Variants in PLAG1 observed in about 807,000 individuals in gnomAD.
PLAG1 encodes the protein zinc finger protein PLAG1.
In PLAG1, 7 loss-of-function variants were observed where a neutral mutation model predicts 35.5. The ratio of observed to expected loss-of-function variants is 0.20; its 90% CI spans 0.11 to 0.37. The LOEUF (loss-of-function observed/expected upper bound fraction) is 0.37, where lower values mean the gene tolerates loss of function less well. PLAG1 is among the 10% of genes least tolerant of loss of function. The pLI, the probability that PLAG1 is intolerant of heterozygous loss-of-function variation, is 1.00. For synonymous variants in PLAG1, 229 were observed against 225.4 expected, an observed-to-expected ratio of 1.02 and a Z score of -0.14; for missense variants, 454 against 602.8, an observed-to-expected ratio of 0.75 and a Z score of 2.58.
chr8:56,176,234 TAG>T (rs909617842), intron 2 of PLAG1, among the ~76,000 whole-genome samples: 112 of 152,072 alleles, frequency 7.4e-4, no homozygotes, highest in African/African-American at 2.6e-3. Context: ...TTATCTTTAG[TAG>T]AGATGGGGGT....
intron 1 of PLAG1, among the ~76,000 whole-genome samples, chr8:56,182,039 G>T (rs2129228546): frequency 6.6e-6 from 1 of 152,324 alleles, no homozygotes; most frequent in African/African-American, 2.4e-5. Context: ...CTACCGTGAA[G>T]TGTAATTTAT....
chr8:56,203,051 C>T (rs906640700), intron 1 of PLAG1, among the ~76,000 whole-genome samples: 2 of 152,048 alleles, frequency 1.3e-5, no homozygotes, highest in Non-Finnish European at 2.9e-5. Context: ...TTTGTCACTA[C>T]TTTTCTTTGA....
At chr8:56,196,022 T>C (rs1812353295) in intron 1 of PLAG1, among the ~76,000 whole-genome samples, 1 of 152,100 alleles carries the variant, frequency 6.6e-6, no homozygotes, top group Non-Finnish European at 1.5e-5. Flanking sequence ...TGCTATAACA[T>C]GGGCACCACA....
intron 1 of PLAG1, among the ~76,000 whole-genome samples, chr8:56,200,233 A>G (rs74372807): frequency 1.4e-3 from 217 of 152,278 alleles, no homozygotes; most frequent in South Asian, 7.0e-3. Flanking sequence ...AACTTCTTCT[A>G]TGTGTCCATT....
In PLAG1 at chr8:56,162,987, T is replaced by TG. The variant is rs1811250314; in HGVS notation, c.*3255dup. On this transcript the variant is annotated 3_prime_UTR_variant, in exon 5 of 5. Coordinates refer to ENST00000316981, the MANE Select transcript of PLAG1 (RefSeq NM_002655.3). ...AATTGAAGTTTTAAAAAACTGAACT[T>TG]GGTAATAGGATTTTAAAATGAAAGT... is the stretch of plus-strand genomic sequence containing the variant. 1 of 210,438 alleles carries TG rather than the reference T, an allele frequency of 4.8e-6. No homozygotes were observed. Among genetic ancestry groups the TG allele is most frequent in the East Asian group, 7.1e-5 (1 of 14,024 alleles). The allele number at this position is 210,438 out of a possible 1,614,324, so 13.0% of individuals were successfully genotyped here. A position where few individuals can be genotyped will look rare whatever the true frequency, so the allele number is the denominator to read the frequency against.
rs1288063801 is a variant in PLAG1 at position 56,167,180 on chromosome 8, T to C, written c.566A>G (p.His189Arg). Residue 189 changes from histidine to arginine, a missense_variant, in exon 5 of 5, where the codon CAT becomes CGT. Transcript: ENST00000316981. The surrounding 1 kb of genome is among the most constrained non-coding windows in gnomAD (Gnocchi z 5.9). ...TCGGGTGTAGAACCGGCGATCACAA[T>C]GTTCGCACTGGTGCTTTTTTTCTTT... is the stretch of plus-strand genomic sequence containing the variant. ...GVKEKKHQCE[H>R]CDRRFYTRKD... is the part of the protein sequence containing the mutation. 1.2e-6 allele frequency: 2 copies of C among 1,613,746 alleles called. No individual in the cohort carries two copies. The highest frequency in any genetic ancestry group is 2.2e-5 in the East Asian group (1 of 44,884).
chr8:56,200,234 T>C (rs558636647), intron 1 of PLAG1, among the ~76,000 whole-genome samples: 1 of 152,226 alleles, frequency 6.6e-6, no homozygotes, highest in Non-Finnish European at 1.5e-5. Context: ...ACTTCTTCTA[T>C]GTGTCCATTT....
At chr8:56,173,642 T>G (rs993568699) in intron 2 of PLAG1, among the ~76,000 whole-genome samples, 2 of 150,882 alleles carry the variant, frequency 1.3e-5, no homozygotes, top group African/African-American at 4.9e-5. Flanking sequence ...GTGACGAAAA[T>G]TCTCCTTTGC....
intron 1 of PLAG1, among the ~76,000 whole-genome samples, chr8:56,207,399 C>T (rs1445153892): frequency 1.3e-5 from 2 of 151,752 alleles, no homozygotes; most frequent in African/African-American, 4.8e-5. Flanking sequence ...AAGGAATAAC[C>T]CCCACCTGTG....
Position 56,161,256 on chromosome 8 carries a change from C to A in PLAG1, c.*4987G>T, listed in dbSNP as rs367921968. On this transcript the variant is annotated 3_prime_UTR_variant, in exon 5 of 5. Transcript: ENST00000316981. ...TAAGCCACTTGATTTCCCAATATTA[C>A]AGAATAGCAATTTTAAATGCAATAA... 2 of 203,268 alleles carry A rather than the reference C, an allele frequency of 9.8e-6. No homozygotes were observed. Among genetic ancestry groups the A allele is most frequent in the Non-Finnish European group, 2.0e-5 (2 of 98,844 alleles). 12.6% of individuals were successfully genotyped at this position (203,268 alleles called of 1,614,324 possible).
chr8:56,206,832 A>G (rs991822893), intron 1 of PLAG1, among the ~76,000 whole-genome samples: 6 of 152,016 alleles, frequency 3.9e-5, no homozygotes, highest in Non-Finnish European at 5.9e-5. Context: ...ACATTTAAAA[A>G]TGGCTCAAGG....
rs1027544094 is a variant in PLAG1 at position 56,167,488 on chromosome 8, A to G, written c.258T>C (p.His86=). The G allele has an allele frequency of 3.1e-6, 5 of 1,606,520 alleles. No individual in the cohort carries two copies. Among genetic ancestry groups the G allele is most frequent in the Non-Finnish European group, 4.3e-6 (5 of 1,174,732 alleles). ...KYKLQRHMAT[H]SPEKTHKCNY... The stretch of plus-strand genomic sequence containing the variant: ...TACACTTGTGGGTTTTCTCAGGAGA[A>G]TGAGTAGCCATGTGCCTTTAAACAC... The change falls in exon 5 of 5, where the codon CAT becomes CAC. Residue 86 remains histidine, a synonymous_variant. Transcript: ENST00000316981. The surrounding 1 kb of genome is among the most constrained non-coding windows in gnomAD (Gnocchi z 5.9).
At chr8:56,202,458 A>G (rs187573202) in intron 1 of PLAG1, among the ~76,000 whole-genome samples, 7 of 152,344 alleles carry the variant, frequency 4.6e-5, no homozygotes, top group Non-Finnish European at 8.8e-5. Context: ...GAAGCACACA[A>G]GTGTGCCTGA....
chr8:56,174,064 C>T (rs774280745), intron 2 of PLAG1, among the ~76,000 whole-genome samples: 2 of 152,116 alleles, frequency 1.3e-5, no homozygotes, highest in Non-Finnish European at 2.9e-5. Context: ...ATAATTATTT[C>T]ATATTTAAAA....
In PLAG1 at chr8:56,165,417, A is replaced by T. The variant is rs1811325327; in HGVS notation, c.*826T>A. On this transcript the variant is annotated 3_prime_UTR_variant, in exon 5 of 5. Coordinates refer to ENST00000316981, the MANE Select transcript of PLAG1 (RefSeq NM_002655.3). ...TGGATGTGAAAGGTGGAAAAGACTA[A>T]AGAGATCTACCTATATATCGACTCT... 1 of 217,828 alleles carries T rather than the reference A, an allele frequency of 4.6e-6. No homozygotes were observed. The highest frequency in any genetic ancestry group is 5.8e-5 in the Admixed American group (1 of 17,256). The allele number at this position is 217,828 out of a possible 1,614,324, so 13.5% of individuals were successfully genotyped here. A position where few individuals can be genotyped will look rare whatever the true frequency, so the allele number is the denominator to read the frequency against.
In PLAG1 at chr8:56,164,531, C is replaced by A. The variant is rs1180791272; in HGVS notation, c.*1712G>T. On this transcript the variant is annotated 3_prime_UTR_variant, in exon 5 of 5. Transcript: ENST00000316981. ...AAAGGAAAGAAGTTTCCATATAGGG[C>A]TAATGAGTGCTCAGAAATATTTTTC... 3 of 223,592 alleles carry A rather than the reference C, an allele frequency of 1.3e-5. No individual in the cohort carries two copies. Among genetic ancestry groups the A allele is most frequent in the Middle Eastern group, 1.3e-3 (1 of 760 alleles). The allele number at this position is 223,592 out of a possible 1,614,324, so 13.9% of individuals were successfully genotyped here.
At chr8:56,202,466 T>C (rs928597534) in intron 1 of PLAG1, among the ~76,000 whole-genome samples, 1 of 152,224 alleles carries the variant, frequency 6.6e-6, no homozygotes, top group African/African-American at 2.4e-5. Flanking sequence ...CAAGTGTGCC[T>C]GAAATCTGAT....
chr8:56,178,699 T>C (rs1167485746), intron 2 of PLAG1, among the ~76,000 whole-genome samples: 1 of 152,080 alleles, frequency 6.6e-6, no homozygotes, highest in Non-Finnish European at 1.5e-5. Context: ...ACCATTGTTT[T>C]TTTTTCCAGT....
At chr8:56,194,224 A>G (rs1812282490) in intron 1 of PLAG1, among the ~76,000 whole-genome samples, 1 of 151,448 alleles carries the variant, frequency 6.6e-6, no homozygotes, top group Non-Finnish European at 1.5e-5. Context: ...GGCTGAGGCA[A>G]GAGAATCACT....
Sources: allele counts gnomAD v4.1 joint callset (sites outside exome capture counted in the v4.1 genomes callset), GRCh38; gene constraint gnomAD v4.1.1; non-coding constraint Gnocchi (gnomAD v3.1); transcripts MANE v1.5; gene names NCBI Gene and HGNC (gene_info 2026-07-23, HGNC 2026-07-21).